The following MRGPRX1 variants were observed in gnomAD, a reference collection of about 807,000 sequenced individuals.
MRGPRX1 encodes mas-related G protein-coupled receptor member X1.
For missense variants in MRGPRX1, 411 were observed against 393.8 expected (o/e 1.04, Z -0.37); for synonymous variants, 208 against 170.4 (o/e 1.22, Z -1.72).
Position 18,937,445 on chromosome 11 carries a change from A to G in MRGPRX1, c.-26+1835T>C, listed in dbSNP as rs1019787306. On this transcript the variant is annotated intron_variant, in intron 1 of 1. Coordinates refer to ENST00000526914, the MANE Select transcript of MRGPRX1 (RefSeq NM_001393578.1). ...ACACACCAAAATCTGCAGATGCTCA[A>G]TTTCCTTATATAAAATGATGTGATA... Among the ~76,000 whole-genome samples, 18 of 151,446 alleles carry G rather than the reference A, an allele frequency of 1.2e-4. 1 individual carries two copies. The highest frequency in any genetic ancestry group is 1.5e-4 in the Non-Finnish European group (10 of 67,806).
chr11:18,937,703 A>G (rs1238535493), intron 1 of MRGPRX1, among the ~76,000 whole-genome samples: 1 of 151,532 alleles, frequency 6.6e-6, no homozygotes, highest in Non-Finnish European at 1.5e-5. Flanking sequence ...TTCAGGACCT[A>G]GTGACCCAGA....
chr11:18,938,061 G>T (rs1309815753), intron 1 of MRGPRX1, among the ~76,000 whole-genome samples: 1 of 151,418 alleles, frequency 6.6e-6, no homozygotes, highest in East Asian at 1.9e-4. Flanking sequence ...CAAGAGAGTG[G>T]CTTCTATGCA....
In MRGPRX1 at chr11:18,933,608, A is replaced by C. The variant is rs1472098005; in HGVS notation, c.*208T>G. On this transcript the variant is annotated 3_prime_UTR_variant, in exon 2 of 2. Transcript: ENST00000526914. Reference sequence around the variant, plus strand: ...ACAGGGAAAATGTGTTGGTAATATCAAGGAGAATCTAAACATTGTACTGTC... The same window carrying C: ...ACAGGGAAAATGTGTTGGTAATATCCAGGAGAATCTAAACATTGTACTGTC... Among the ~76,000 whole-genome samples, 1 of 151,540 alleles carries C rather than the reference A, an allele frequency of 6.6e-6. No homozygotes were observed. Among genetic ancestry groups the C allele is most frequent in the Non-Finnish European group, 1.5e-5 (1 of 67,826 alleles).
In MRGPRX1 at chr11:18,936,815, G is replaced by A. The variant is rs1297110326; in HGVS notation, c.-25-2006C>T. 1.3e-5 allele frequency among the ~76,000 whole-genome samples: 2 copies of A among 151,402 alleles called. 1 individual carries two copies. Among genetic ancestry groups the A allele is most frequent in the African/African-American group, 4.8e-5 (2 of 41,244 alleles). On this transcript the variant is annotated intron_variant, in intron 1 of 1. Transcript: ENST00000526914. ...TTAATATAACATAAGATGAAGCCGA[G>A]GCCTAGAGAATTAAAGTGTTTTCAT...
intron 1 of MRGPRX1, among the ~76,000 whole-genome samples, chr11:18,936,015 G>A (rs529850406): frequency 6.6e-6 from 1 of 151,494 alleles, no homozygotes; most frequent in East Asian, 2.0e-4. Flanking sequence ...CTGATGGAGA[G>A]TTTATTAGGT....
chr11:18,933,953 A>G lies in MRGPRX1; in HGVS notation c.832T>C (p.Phe278Leu), dbSNP rs779132367. ...NPIIYFFVGS[F>L]RQRQNRQNLK... ...TTCTGCCTATTTTGACGCTGCCTAA[A>G]GGAGCCCACGAAGAAGTAAATGATG... The change falls in exon 2 of 2, where the codon TTT becomes CTT. Residue 278 changes from phenylalanine (F) to leucine (L), a missense_variant. Transcript: ENST00000526914. 1 of 1,611,044 alleles carries G rather than the reference A, an allele frequency of 6.2e-7. No homozygotes were observed. The highest frequency in any genetic ancestry group is 8.5e-7 in the Non-Finnish European group (1 of 1,178,274).
rs1848809764 is a variant in MRGPRX1 at position 18,933,782 on chromosome 11, T to C, written c.*34A>G. On this transcript the variant is annotated 3_prime_UTR_variant, in exon 2 of 2. Coordinates refer to ENST00000526914, the MANE Select transcript of MRGPRX1 (RefSeq NM_001393578.1). ...CAAGGGTGGCAGGGCAGTGTTGCTC[T>C]CAAAGTCCTGTCTGACAGGGCAGAG... 1.9e-6 allele frequency: 3 copies of C among 1,570,838 alleles called. No homozygotes were observed. The highest frequency in any genetic ancestry group is 2.6e-6 in the Non-Finnish European group (3 of 1,159,782).
intron 1 of MRGPRX1, 180 bp from the exon 2 acceptor site, chr11:18,934,989 C>T: frequency 1.6e-6 from 1 of 637,238 alleles, no homozygotes; most frequent in Non-Finnish European, 2.6e-6. Context: ...CTTGCTGACT[C>T]TGAAGCCTGA....
intron 1 of MRGPRX1, among the ~76,000 whole-genome samples, chr11:18,936,721 C>G (rs1004512967): frequency 4.9e-4 from 74 of 151,454 alleles, no homozygotes; most frequent in Non-Finnish European, 8.1e-4. Context: ...GCTAGTCATG[C>G]CTGTCTTTTC....
At chr11:18,936,220 G>A (rs1203180501) in intron 1 of MRGPRX1, among the ~76,000 whole-genome samples, 1 of 150,740 alleles carries the variant, frequency 6.6e-6, no homozygotes, top group Admixed American at 6.7e-5. Flanking sequence ...ACTCTGTGTC[G>A]ATTATACATG....
chr11:18,935,249 G>C (rs1327359932), intron 1 of MRGPRX1: 2 of 158,592 alleles, frequency 1.3e-5, no homozygotes, highest in Non-Finnish European at 2.8e-5. Context: ...CCTTCGCTAG[G>C]ATAAGTGTGA....
intron 1 of MRGPRX1, 97 bp from the exon 2 acceptor site, chr11:18,934,906 A>G (rs1456599298): frequency 7.6e-7 from 1 of 1,318,992 alleles, no homozygotes; most frequent in Non-Finnish European, 1.0e-6. Flanking sequence ...TAAAGAGGGC[A>G]GATCAGAGAC....
chr11:18,935,820 A>C (rs1340819645), intron 1 of MRGPRX1, among the ~76,000 whole-genome samples: 4 of 151,476 alleles, frequency 2.6e-5, no homozygotes, highest in African/African-American at 9.7e-5. Context: ...TACACAATAT[A>C]AACCTATTTC....
At chr11:18,937,379 G>C (rs1848849412) in intron 1 of MRGPRX1, among the ~76,000 whole-genome samples, 1 of 151,202 alleles carries the variant, frequency 6.6e-6, no homozygotes. Context: ...ATATTCACAG[G>C]GGCTTTCGCA....
chr11:18,936,613 C>T (rs1421080964), intron 1 of MRGPRX1, among the ~76,000 whole-genome samples: 6 of 151,246 alleles, frequency 4.0e-5, no homozygotes, highest in African/African-American at 1.5e-4. Flanking sequence ...AAAAGGAGAA[C>T]CTCTGTTATC....
At chr11:18,938,287 G>A (rs956158358) in intron 1 of MRGPRX1, among the ~76,000 whole-genome samples, 2 of 151,386 alleles carry the variant, frequency 1.3e-5, no homozygotes, top group South Asian at 2.1e-4. Context: ...ATGGCTCTGC[G>A]GGCTATGCAA....
Position 18,934,662 on chromosome 11 carries a change from C to T in MRGPRX1, c.123G>A (p.Gly41=), listed in dbSNP as rs747012199. The change falls in exon 2 of 2, where the codon GGG becomes GGA. Residue 41 remains glycine (G), a synonymous_variant. Transcript: ENST00000526914. ...TVLTCIVSLV[G]LTGNAVVLWL... ...AGAGCACAACTGCGTTTCCTGTCAGCCCGACAAGGGAAACGATGCACGTCA... is the reference window on the plus strand; with the variant it reads ...AGAGCACAACTGCGTTTCCTGTCAGTCCGACAAGGGAAACGATGCACGTCA... The T allele has an allele frequency of 1.3e-5, 21 of 1,610,684 alleles. 2 individuals carry two copies. The Admixed American group carries it at 3.4e-4, about 26-fold the overall frequency.
At chr11:18,937,330 G>A (rs1196270702) in intron 1 of MRGPRX1, among the ~76,000 whole-genome samples, 1 of 151,272 alleles carries the variant, frequency 6.6e-6, no homozygotes, top group African/African-American at 2.4e-5. Context: ...ACGATGCCTT[G>A]GAGCTTCCCG....
chr11:18,934,388 G>A lies in MRGPRX1; in HGVS notation c.397C>T (p.His133Tyr). 2 of 1,610,900 alleles carry A rather than the reference G, an allele frequency of 1.2e-6. No homozygotes were observed. Among genetic ancestry groups the A allele is most frequent in the Non-Finnish European group, 1.7e-6 (2 of 1,178,196 alleles). ...SVLWPIWYRC[H>Y]RPTHLSAVVC... ...ACCGCTGACAGGTGTGTGGGGCGGTGGCAGCGGTACCAGATGGGCCACAGG... is the reference window on the plus strand; with the variant it reads ...ACCGCTGACAGGTGTGTGGGGCGGTAGCAGCGGTACCAGATGGGCCACAGG... The change falls in exon 2 of 2, where the codon CAC becomes TAC. Residue 133 changes from histidine to tyrosine, a missense_variant. Coordinates refer to ENST00000526914, the MANE Select transcript of MRGPRX1 (RefSeq NM_001393578.1).
Sources: allele counts gnomAD v4.1 joint callset (sites outside exome capture counted in the v4.1 genomes callset), GRCh38; gene constraint gnomAD v4.1.1; transcripts MANE v1.5; gene names NCBI Gene and HGNC (gene_info 2026-07-23, HGNC 2026-07-21).